EYS: variants seen among roughly 807,000 people sequenced by gnomAD.
The protein encoded by EYS is EGF-like photoreceptor maintenance factor.
Under a neutral mutation model 282.1 loss-of-function variants are expected in EYS, and 250 were observed. The ratio of observed to expected loss-of-function variants is 0.89; its 90% CI spans 0.80 to 0.98. The LOEUF (loss-of-function observed/expected upper bound fraction) is 0.98. Among genes scored for constraint, EYS ranks in the 50% least tolerant of loss-of-function variants. The pLI is 0.00. For missense variants in EYS, 4,016 were observed against 3,709.0 expected, an observed-to-expected ratio of 1.08 and a Z score of -2.15; for synonymous variants, 1,355 against 1,282.9, an observed-to-expected ratio of 1.06 and a Z score of -1.20.
At chr6:65,332,522 A>C in intron 11 of EYS, 4 of 942,472 alleles carry the variant, frequency 4.2e-6, no homozygotes, top group Non-Finnish European at 6.6e-6. Context: ...CAATTTTCTC[A>C]TTTTCATTGA....
intron 12 of EYS, among the ~76,000 whole-genome samples, chr6:65,275,188 T>C (rs888242070): frequency 6.6e-6 from 1 of 152,130 alleles, no homozygotes; most frequent in Non-Finnish European, 1.5e-5. Flanking sequence ...AGGTAAATCA[T>C]AGTACAGGCC....
intron 36 of EYS, among the ~76,000 whole-genome samples, chr6:63,854,858 T>A (rs2149705237): frequency 1.3e-5 from 2 of 152,308 alleles, no homozygotes; most frequent in South Asian, 4.1e-4. Context: ...GCTTGTTTAA[T>A]CTTGCTTCAC....
At chr6:65,620,908 G>T (rs535564829) in intron 2 of EYS, among the ~76,000 whole-genome samples, 2 of 152,282 alleles carry the variant, frequency 1.3e-5, no homozygotes, top group East Asian at 3.9e-4. Context: ...TAGCACTGTG[G>T]TCTGAGAGAC....
intron 22 of EYS, among the ~76,000 whole-genome samples, chr6:64,799,272 T>G (rs1031068462): frequency 6.6e-6 from 1 of 151,974 alleles, no homozygotes; most frequent in Non-Finnish European, 1.5e-5. Context: ...TTTTTTCTTA[T>G]GCTTTGATAC....
intron 33 of EYS, among the ~76,000 whole-genome samples, chr6:64,034,390 A>G (rs78816956): frequency 0.027 from 4,126 of 152,218 alleles, 163 homozygotes; most frequent in African/African-American, 0.084. Flanking sequence ...TACGGTATTT[A>G]TTTTACAGAT....
intron 14 of EYS, among the ~76,000 whole-genome samples, chr6:64,952,039 G>A (rs1463342706): frequency 6.6e-6 from 1 of 151,856 alleles, no homozygotes; most frequent in Non-Finnish European, 1.5e-5. Flanking sequence ...GAAAATGAAA[G>A]ACAAGGAGTA....
rs188319854 is a variant in EYS at position 65,001,228 on chromosome 6, C to T, written c.2138-3525G>A. ...ATCTGTATCCTGAGCTCTTGCCTAG[C>T]GTCCCGGAAGATTCGGGTCACACAT... On this transcript the variant is annotated intron_variant, in intron 13 of 42. Transcript: ENST00000503581. 3.4e-5 allele frequency among the ~76,000 whole-genome samples: 5 copies of T among 148,110 alleles called. 1 individual carries two copies. Among genetic ancestry groups the T allele is most frequent in the Admixed American group, 6.7e-5 (1 of 14,960 alleles).
chr6:64,302,981 G>C (rs1324858155), intron 30 of EYS, among the ~76,000 whole-genome samples: 1 of 151,990 alleles, frequency 6.6e-6, no homozygotes, highest in Non-Finnish European at 1.5e-5. Flanking sequence ...ACCCAACCCA[G>C]TACCAGAAAT....
chr6:64,317,996 G>T (rs1455272663), intron 29 of EYS, among the ~76,000 whole-genome samples: 1 of 151,978 alleles, frequency 6.6e-6, no homozygotes, highest in East Asian at 1.9e-4. Context: ...CATGGATACA[G>T]AGAGGGGAAT....
intron 5 of EYS, among the ~76,000 whole-genome samples, chr6:65,424,354 T>A (rs1471755916): frequency 6.6e-6 from 1 of 152,010 alleles, no homozygotes; most frequent in Non-Finnish European, 1.5e-5. Context: ...TTAGTCTTAC[T>A]CTCCACAAAA....
chr6:64,604,284 C>G (rs636611), intron 24 of EYS, among the ~76,000 whole-genome samples: 2 of 151,886 alleles, frequency 1.3e-5, no homozygotes, highest in African/African-American at 2.4e-5. Context: ...GTCTGATAAC[C>G]TAACAATGTA....
chr6:65,031,143 T>TA (rs1772589933), intron 13 of EYS, among the ~76,000 whole-genome samples: 1 of 145,500 alleles, frequency 6.9e-6, no homozygotes, highest in African/African-American at 2.5e-5. Context: ...ATTTTATATT[T>TA]TATATATATA....
chr6:65,619,332 A>T (rs1336427679), intron 2 of EYS, among the ~76,000 whole-genome samples: 1 of 151,660 alleles, frequency 6.6e-6, no homozygotes. Context: ...ATGGGAGTTC[A>T]CTCATGATTT....
At position 65,156,882 on chromosome 6, in the gene EYS, C is replaced by T. The variant is rs778293240; in HGVS notation, c.2024-99155G>A. Among the ~76,000 whole-genome samples the T allele has an allele frequency of 1.7e-3, 264 of 151,072 alleles. 3 individuals carry two copies. The highest frequency in any genetic ancestry group is 6.8e-3 in the Admixed American group (102 of 15,074). On this transcript the variant is annotated intron_variant, in intron 12 of 42. Transcript: ENST00000503581. ...TAATGGAAAAATCTACTTGGATTAT[C>T]CCTCTGACAAATTGGCATCCCAGTC...
intron 33 of EYS, among the ~76,000 whole-genome samples, chr6:64,004,715 G>C (rs1768262405): frequency 6.6e-6 from 1 of 152,144 alleles, no homozygotes; most frequent in South Asian, 2.1e-4. Flanking sequence ...AGATTGTGTG[G>C]TATTTGGTTT....
intron 33 of EYS, among the ~76,000 whole-genome samples, chr6:64,047,407 A>G (rs1770665743): frequency 6.6e-6 from 1 of 152,164 alleles, no homozygotes; most frequent in South Asian, 2.1e-4. Context: ...AATCTACAAA[A>G]TGAGAAATGA....
At chr6:65,366,247 C>T (rs527723117) in intron 8 of EYS, among the ~76,000 whole-genome samples, 3 of 151,768 alleles carry the variant, frequency 2.0e-5, no homozygotes, top group South Asian at 2.1e-4. Context: ...TGAAAGTCTG[C>T]AGTTTCACTA....
intron 28 of EYS, among the ~76,000 whole-genome samples, chr6:64,404,191 T>A (rs1052230669): frequency 6.6e-6 from 1 of 152,182 alleles, no homozygotes; most frequent in Non-Finnish European, 1.5e-5. Context: ...TCATAAAATC[T>A]ATTAGCCTTC....
intron 26 of EYS, among the ~76,000 whole-genome samples, chr6:64,480,149 C>T (rs1456448982): frequency 6.6e-6 from 1 of 151,860 alleles, no homozygotes; most frequent in African/African-American, 2.4e-5. Context: ...CTGCTAAATA[C>T]CACTAGTAAC....
Sources: allele counts gnomAD v4.1 joint callset (sites outside exome capture counted in the v4.1 genomes callset), GRCh38; gene constraint gnomAD v4.1.1; transcripts MANE v1.5; gene names NCBI Gene and HGNC (gene_info 2026-07-23, HGNC 2026-07-21).